SPEG: variants seen among roughly 807,000 people sequenced by gnomAD.
SPEG encodes striated muscle enriched protein kinase.
SPEG carries 114 observed loss-of-function variants against 300.4 expected under a neutral mutation model. The observed-to-expected ratio is 0.38, with a 90% CI of 0.33 to 0.44. The LOEUF is 0.44. SPEG is among the 20% of genes least tolerant of loss of function. SPEG has a pLI of 1.00. For synonymous variants in SPEG, 1,964 were observed against 2,018.9 expected, an observed-to-expected ratio of 0.97 and a Z score of 0.73; for missense variants, 4,201 against 4,586.2, an observed-to-expected ratio of 0.92 and a Z score of 2.43.
Position 219,477,810 on chromosome 2 carries a change from T to C in SPEG, c.4826+25T>C. 1 of 1,595,952 alleles carries C rather than the reference T, an allele frequency of 6.3e-7. No homozygotes were observed. The highest frequency in any genetic ancestry group is 2.2e-5 in the East Asian group (1 of 44,616). ...GGTGTGGGGCTAGGAGGGAAGCCAG[T>C]GGGGGCCGAGAGAGGCTGCTGGGTC... On this transcript the variant is annotated intron_variant, in intron 21 of 40. Coordinates refer to ENST00000312358, the MANE Select transcript of SPEG (RefSeq NM_005876.5). The surrounding 1 kb of genome is among the most constrained non-coding windows in gnomAD (Gnocchi z 6.4).
At chr2:219,440,829 C>A (rs902932421) in intron 1 of SPEG, among the ~76,000 whole-genome samples, 6 of 152,204 alleles carry the variant, frequency 3.9e-5, no homozygotes, top group African/African-American at 1.4e-4. Flanking sequence ...GAGTGCTTAG[C>A]ACAATGCCTG....
intron 1 of SPEG, among the ~76,000 whole-genome samples, chr2:219,436,749 C>G (rs1057342847): frequency 1.3e-5 from 2 of 152,170 alleles, no homozygotes; most frequent in South Asian, 4.1e-4. Flanking sequence ...GTTGGCCTAG[C>G]ACCTGGACAA....
chr2:219,488,943 A>C (rs780320626), intron 34 of SPEG, 43 bp downstream of exon 34: 1 of 1,581,418 alleles, frequency 6.3e-7, no homozygotes, highest in Non-Finnish European at 8.6e-7. Context: ...CGGCAGGGGG[A>C]GGGTAGAGGA....
Position 219,488,257 on chromosome 2 carries a change from C to G in SPEG, c.7805C>G (p.Thr2602Ser), listed in dbSNP as rs1423025840. Residue 2602 changes from threonine to serine, a missense_variant, in exon 32 of 41, where the codon ACC (threonine) becomes AGC (serine). Around this residue, in one of 4 missense-constraint regions of SPEG, gnomAD observed 1,578 missense variants for 1,506.0 expected, o/e 1.05. Coordinates refer to ENST00000312358, the MANE Select transcript of SPEG (RefSeq NM_005876.5). ...DQVLLEGEAA[T>S]LLCLPAACPA... ...GTGCTGCTGGAGGGGGAGGCAGCCA[C>G]CCTGCTCTGCCTGCCAGCGGCCTGC... is the stretch of plus-strand genomic sequence containing the variant. 6.2e-7 allele frequency: 1 copy of G among 1,613,496 alleles called. No homozygotes were observed. Among genetic ancestry groups the G allele is most frequent in the South Asian group, 1.1e-5 (1 of 90,978 alleles).
chr2:219,477,223 C>CGG lies in SPEG; in HGVS notation c.4561-54_4561-53insGG. ...CCAGAGTAGGAGATGAGGCCCTGGC[C>CGG]CCAAGGTAGAGATGAGGCCAGGCCC... On this transcript the variant is annotated intron_variant, in intron 19 of 40. Coordinates refer to ENST00000312358, the MANE Select transcript of SPEG (RefSeq NM_005876.5). The surrounding 1 kb of genome is among the most constrained non-coding windows in gnomAD (Gnocchi z 6.4). 1.9e-6 allele frequency: 3 copies of CGG among 1,557,250 alleles called. No homozygotes were observed. The highest frequency in any genetic ancestry group is 1.2e-5 in the South Asian group (1 of 83,960).
intron 15 of SPEG, 83 bp from the exon 16 acceptor site, chr2:219,472,807 G>A (rs1211424178): frequency 2.4e-5 from 28 of 1,146,254 alleles, no homozygotes; most frequent in Non-Finnish European, 3.5e-5. Flanking sequence ...GACTAATGAT[G>A]AGTTCCAGGG....
In SPEG at chr2:219,492,894, A is replaced by C; in HGVS notation, c.*108A>C. 1 of 1,105,448 alleles carries C rather than the reference A, an allele frequency of 9.0e-7. No homozygotes were observed. Among genetic ancestry groups the C allele is most frequent in the Non-Finnish European group, 1.3e-6 (1 of 755,476 alleles). The allele number at this position is 1,105,448 out of a possible 1,614,324, so 68.5% of individuals were successfully genotyped here. On this transcript the variant is annotated 3_prime_UTR_variant, in exon 41 of 41. Coordinates refer to ENST00000312358, the MANE Select transcript of SPEG (RefSeq NM_005876.5). The stretch of plus-strand genomic sequence containing the variant: ...AGGCGGGCCTGGGGCTTCGGTTACC[A>C]CCAGCAGCAACATCTGGCTGGGCTC...
At position 219,468,965 on chromosome 2, in the gene SPEG, C is replaced by T. The variant is rs1404582864; in HGVS notation, c.3408C>T (p.Val1136=). 6.2e-7 allele frequency: 1 copy of T among 1,613,972 alleles called. No individual in the cohort carries two copies. Among genetic ancestry groups the T allele is most frequent in the South Asian group, 1.1e-5 (1 of 91,082 alleles). Reference sequence around the variant, plus strand: ...GCGAGGACGAGGGGCTCTATGCGGTCAGTGCTGTTAACACCCATGGCCAGG... The same window carrying T: ...GCGAGGACGAGGGGCTCTATGCGGTTAGTGCTGTTAACACCCATGGCCAGG... ...VGSEDEGLYA[V]SAVNTHGQAH... is the part of the protein sequence containing the mutation. The change falls in exon 12 of 41, where the codon GTC becomes GTT. Residue 1136 remains valine, a synonymous_variant. Coordinates refer to ENST00000312358, the MANE Select transcript of SPEG (RefSeq NM_005876.5).
In SPEG at chr2:219,445,664, AAGC is replaced by A. The variant is rs998169918; in HGVS notation, c.815+506_815+508del. ...GGAGAGAGCAGGGGAACAAGCCAGC[AAGC>A]AGGAGAGAGAAGAGAGTGAGGTGGC... is the stretch of plus-strand genomic sequence containing the variant. On this transcript the variant is annotated intron_variant, in intron 3 of 40. Transcript: ENST00000312358. The surrounding 1 kb of genome is among the most constrained non-coding windows in gnomAD (Gnocchi z 6.1). 6.0e-6 allele frequency: 1 copy of A among 165,702 alleles called. No individual in the cohort carries two copies. Among genetic ancestry groups the A allele is most frequent in the Non-Finnish European group, 1.3e-5 (1 of 75,580 alleles). The allele number at this position is 165,702 out of a possible 1,614,324, so 10.3% of individuals were successfully genotyped here.
chr2:219,488,288 A>G lies in SPEG; in HGVS notation c.7836A>G (p.Ala2612=). 1 of 1,612,322 alleles carries G rather than the reference A, an allele frequency of 6.2e-7. No homozygotes were observed. The highest frequency in any genetic ancestry group is 8.5e-7 in the Non-Finnish European group (1 of 1,179,192). ...TLLCLPAACP[A]PHISWMKDKK... ...TCTGCCTGCCAGCGGCCTGCCCTGC[A>G]CCGCACATCTCCTGGATGAAAGGTA... is the stretch of plus-strand genomic sequence containing the variant. Residue 2612 remains alanine (A), a synonymous_variant, in exon 32 of 41, where the codon GCA becomes GCG. Transcript: ENST00000312358.
chr2:219,476,681 G>T (rs1252843632), intron 18 of SPEG, among the ~76,000 whole-genome samples, 189 bp from the exon 19 acceptor site: 2 of 145,708 alleles, frequency 1.4e-5, no homozygotes, highest in Non-Finnish European at 3.0e-5. Context: ...GCGGGGCGGG[G>T]CTTGGTCCAG....
At position 219,483,587 on chromosome 2, in the gene SPEG, C is replaced by A. The variant is rs1223706477; in HGVS notation, c.6124C>A (p.Gln2042Lys). 2.7e-6 allele frequency: 4 copies of A among 1,472,576 alleles called. No homozygotes were observed. The highest frequency in any genetic ancestry group is 3.0e-5 in the African/African-American group (2 of 67,620). The allele number at this position is 1,472,576 out of a possible 1,614,324, so 91.2% of individuals were successfully genotyped here. A position where few individuals can be genotyped will look rare whatever the true frequency, so the allele number is the denominator to read the frequency against. Residue 2042 changes from glutamine (Q) to lysine (K), a missense_variant, in exon 30 of 41, where the codon CAG becomes AAG. By Grantham distance (53) the Gln-to-Lys change is moderately conservative. Coordinates refer to ENST00000312358, the MANE Select transcript of SPEG (RefSeq NM_005876.5). ...LHKAASVELPQRRSPSPGATR... is the reference protein window; with the variant it reads ...LHKAASVELPKRRSPSPGATR... ...CAAGGCGGCGTCTGTGGAGCTGCCG[C>A]AGCGCCGGAGCCCCAGCCCGGGAGC...
At position 219,477,835 on chromosome 2, in the gene SPEG, C is replaced by G; in HGVS notation, c.4826+50C>G. The G allele has an allele frequency of 6.3e-7, 1 of 1,595,692 alleles. No individual in the cohort carries two copies. The highest frequency in any genetic ancestry group is 8.6e-7 in the Non-Finnish European group (1 of 1,166,418). The stretch of plus-strand genomic sequence containing the variant: ...TGGGGGCCGAGAGAGGCTGCTGGGT[C>G]TGAGGGTTGGGAGGGGTGGAGAGGG... On this transcript the variant is annotated intron_variant, in intron 21 of 40. Transcript: ENST00000312358. The surrounding 1 kb of genome is among the most constrained non-coding windows in gnomAD (Gnocchi z 6.4).
Position 219,444,200 on chromosome 2 carries a change from G to C in SPEG, c.389-453G>C. On this transcript the variant is annotated intron_variant, in intron 1 of 40. Coordinates refer to ENST00000312358, the MANE Select transcript of SPEG (RefSeq NM_005876.5). The surrounding 1 kb of genome is among the most constrained non-coding windows in gnomAD (Gnocchi z 7.8). ...GGACAGGCTGGCCCCGCGGTTGGTC[G>C]AGTGCCCTGGCAGTACGACTCTGAG... is the stretch of plus-strand genomic sequence containing the variant. 3.8e-6 allele frequency: 2 copies of C among 532,080 alleles called. No individual in the cohort carries two copies. The highest frequency in any genetic ancestry group is 3.1e-5 in the South Asian group (2 of 64,740). The allele number at this position is 532,080 out of a possible 1,614,324, so 33.0% of individuals were successfully genotyped here. A position where few individuals can be genotyped will look rare whatever the true frequency, so the allele number is the denominator to read the frequency against.
In SPEG at chr2:219,464,342, A is replaced by C; in HGVS notation, c.2706-91A>C. The C allele has an allele frequency of 7.5e-7, 1 of 1,333,458 alleles. No homozygotes were observed. The highest frequency in any genetic ancestry group is 1.0e-6 in the Non-Finnish European group (1 of 975,614). 82.6% of individuals were successfully genotyped at this position (1,333,458 alleles called of 1,614,324 possible). A position where few individuals can be genotyped will look rare whatever the true frequency, so the allele number is the denominator to read the frequency against. ...GGGGACTGGGCAAACTGCACAGGGA[A>C]GGAGAGGCCTGCACAGTGCTGCAGC... On this transcript the variant is annotated intron_variant, in intron 8 of 40. Transcript: ENST00000312358. This position sits in a 1 kb window ranked among gnomAD's most constrained non-coding sequence, Gnocchi z 4.5.
chr2:219,472,109 C>A, intron 14 of SPEG, 118 bp from the exon 15 acceptor site: 1 of 1,521,826 alleles, frequency 6.6e-7, no homozygotes, highest in Non-Finnish European at 8.9e-7. Context: ...GACCCTCTTG[C>A]CTTGCCCCTG....
chr2:219,489,738 T>G lies in SPEG; in HGVS notation c.8720T>G (p.Val2907Gly). Residue 2907 changes from valine to glycine, a missense_variant, in exon 36 of 41, where the codon GTG (valine) becomes GGG (glycine). Physicochemically the swap from Val to Gly is moderately radical, Grantham distance 109. Coordinates refer to ENST00000312358, the MANE Select transcript of SPEG (RefSeq NM_005876.5). ...STPVYVVTSF[V>G]SAPPAPEPPA... ...CCTGTGTATGTGGTGACTTCCTTTG[T>G]GTCTGCACCACCAGCCCCTGAGCCC... The G allele has an allele frequency of 2.5e-6, 4 of 1,613,882 alleles. No individual in the cohort carries two copies. The highest frequency in any genetic ancestry group is 3.4e-6 in the Non-Finnish European group (4 of 1,179,908).
In SPEG at chr2:219,473,696, T is replaced by A. The variant is rs1559403909; in HGVS notation, c.4272-32T>A. 6.2e-7 allele frequency: 1 copy of A among 1,612,856 alleles called. No individual in the cohort carries two copies. Among genetic ancestry groups the A allele is most frequent in the Non-Finnish European group, 8.5e-7 (1 of 1,179,186 alleles). The stretch of plus-strand genomic sequence containing the variant: ...CTGGCCGGAATGCCCTGGGGCAAGA[T>A]CTGGGTGACCTCCCTGTCATGTGTC... On this transcript the variant is annotated intron_variant, in intron 17 of 40. Transcript: ENST00000312358. The surrounding 1 kb of genome is among the most constrained non-coding windows in gnomAD (Gnocchi z 4.6).
At chr2:219,488,171 G>A (rs758803958) in intron 31 of SPEG, 23 bp from the exon 32 acceptor site, 1 of 1,552,762 alleles carries the variant, frequency 6.4e-7, no homozygotes, top group East Asian at 2.2e-5. Flanking sequence ...ACAGATAGAT[G>A]GCTGTCTCTG....
Sources: gnomAD v4.1 joint callset for allele counts (sites outside exome capture counted in the v4.1 genomes callset) on GRCh38, gnomAD v4.1.1 for gene constraint, gnomAD v4.1.1 regional missense constraint, Gnocchi (gnomAD v3.1) non-coding constraint, MANE v1.5 for transcripts, NCBI Gene and HGNC (gene_info 2026-07-23, HGNC 2026-07-21) for gene names.